The following BBOX1 variants were observed in gnomAD, a reference collection of about 807,000 sequenced individuals.
BBOX1 encodes the protein gamma-butyrobetaine hydroxylase 1.
Under a neutral mutation model 41.6 loss-of-function variants are expected in BBOX1, and 35 were observed. That is an observed-to-expected ratio of 0.84 (90% confidence interval 0.64 to 1.11). BBOX1 has a LOEUF of 1.11. BBOX1 is among the 50% of genes most tolerant of loss of function. The pLI is 0.00. For synonymous variants in BBOX1, 163 were observed against 154.7 expected, an observed-to-expected ratio of 1.05 and a Z score of -0.40; for missense variants, 458 against 460.6, an observed-to-expected ratio of 0.99 and a Z score of 0.05.
At chr11:27,092,273 G>A (rs972795645) in intron 4 of BBOX1, among the ~76,000 whole-genome samples, 4 of 151,926 alleles carry the variant, frequency 2.6e-5, no homozygotes, top group African/African-American at 7.2e-5. Flanking sequence ...GAGATCGCAA[G>A]TTCTCATTCT....
chr11:27,094,719 A>T (rs1237939228), intron 5 of BBOX1, among the ~76,000 whole-genome samples: 1 of 151,952 alleles, frequency 6.6e-6, no homozygotes, highest in Non-Finnish European at 1.5e-5. Context: ...GGAGACCAAA[A>T]ATATTCAATC....
intron 4 of BBOX1, among the ~76,000 whole-genome samples, chr11:27,070,958 C>G (rs1857426677): frequency 6.6e-6 from 1 of 152,096 alleles, no homozygotes; most frequent in Non-Finnish European, 1.5e-5. Flanking sequence ...TCTTGCAGGG[C>G]TTGTCTAGTA....
chr11:27,056,480 A>G (rs1856983484), intron 3 of BBOX1, among the ~76,000 whole-genome samples: 1 of 150,592 alleles, frequency 6.6e-6, no homozygotes, highest in African/African-American at 2.4e-5. Flanking sequence ...CTGGTCTCAA[A>G]CTCCTGACCT....
chr11:27,113,818 A>G (rs2134091272), intron 5 of BBOX1, among the ~76,000 whole-genome samples: 1 of 151,880 alleles, frequency 6.6e-6, no homozygotes, highest in African/African-American at 2.4e-5. Flanking sequence ...TAAAAAAAAA[A>G]AAAATCAAGT....
At chr11:27,124,547 A>G (rs1417976544) in intron 7 of BBOX1, among the ~76,000 whole-genome samples, 4 of 152,234 alleles carry the variant, frequency 2.6e-5, no homozygotes, top group Admixed American at 2.6e-4. Flanking sequence ...AGACAGAGTC[A>G]TATTCTGTTT....
chr11:27,076,059 T>A (rs904644760), intron 4 of BBOX1, among the ~76,000 whole-genome samples: 15 of 152,146 alleles, frequency 9.9e-5, no homozygotes, highest in African/African-American at 3.6e-4. Flanking sequence ...CCCAAGGTGT[T>A]CTCTTAATGT....
rs192878171 is a variant in BBOX1, at chr11:27,048,446, T to A, written c.-38-6947T>A. 1.7e-3 allele frequency among the ~76,000 whole-genome samples: 251 copies of A among 149,576 alleles called. 3 individuals carry two copies. Among genetic ancestry groups the A allele is most frequent in the African/African-American group, 6.1e-3 (245 of 40,264 alleles). Reference sequence around the variant, plus strand: ...AAAATGACAGAATTTACCTTCTTTTTTAAGGTTGAATAATATTGAGGTGTG... The same window carrying A: ...AAAATGACAGAATTTACCTTCTTTTATAAGGTTGAATAATATTGAGGTGTG... On this transcript the variant is annotated intron_variant, in intron 2 of 8. Transcript: ENST00000263182.
intron 5 of BBOX1, among the ~76,000 whole-genome samples, chr11:27,112,650 T>A (rs1352668884): frequency 6.6e-6 from 1 of 151,882 alleles, no homozygotes; most frequent in Non-Finnish European, 1.5e-5. Flanking sequence ...CATACAAAAT[T>A]CAACTCAAGA....
At chr11:27,116,676 C>A (rs967574843) in intron 6 of BBOX1, among the ~76,000 whole-genome samples, 2 of 151,872 alleles carry the variant, frequency 1.3e-5, no homozygotes, top group African/African-American at 2.4e-5. Flanking sequence ...GGTCTATTCA[C>A]CACCAGTAGG....
intron 5 of BBOX1, among the ~76,000 whole-genome samples, chr11:27,099,036 G>A (rs974810819): frequency 2.0e-5 from 3 of 151,712 alleles, no homozygotes; most frequent in Non-Finnish European, 4.4e-5. Flanking sequence ...TTAATGAAAG[G>A]GAATATGTGC....
At chr11:27,115,913 A>G (rs17243943) in intron 6 of BBOX1, among the ~76,000 whole-genome samples, 5,067 of 152,068 alleles carry the variant, frequency 0.033, 129 homozygotes, top group South Asian at 0.11. Flanking sequence ...AGAGAAAATG[A>G]AATCAGTAAA....
Position 27,127,596 on chromosome 11 carries a change from T to C in BBOX1, c.*143T>C. ...TAACTTCTCTCACAAGAGTACTCTT[T>C]ACTTTGTAATCATATACAATGTCAA... On this transcript the variant is annotated 3_prime_UTR_variant, in exon 9 of 9. Transcript: ENST00000263182. The C allele has an allele frequency of 1.1e-6, 1 of 943,884 alleles. No homozygotes were observed. The highest frequency in any genetic ancestry group is 1.9e-5 in the South Asian group (1 of 52,988). 58.5% of individuals were successfully genotyped at this position (943,884 alleles called of 1,614,324 possible).
chr11:27,076,316 C>T (rs917514492), intron 4 of BBOX1, among the ~76,000 whole-genome samples: 2 of 152,144 alleles, frequency 1.3e-5, no homozygotes, highest in African/African-American at 4.8e-5. Flanking sequence ...TTATAAATAA[C>T]CTTAGTGTGT....
chr11:27,064,905 TG>T (rs763737471), intron 4 of BBOX1, among the ~76,000 whole-genome samples: 2 of 67,882 alleles, frequency 2.9e-5, no homozygotes, highest in Non-Finnish European at 3.7e-5. Flanking sequence ...GTGTCAGACA[TG>T]AAAAAAAAAA....
At chr11:27,056,970 G>T (rs1280224261) in intron 3 of BBOX1, among the ~76,000 whole-genome samples, 2 of 149,870 alleles carry the variant, frequency 1.3e-5, no homozygotes, top group Non-Finnish European at 3.0e-5. Flanking sequence ...GGAGGCTGAG[G>T]CAGGGGAATC....
At chr11:27,121,848 T>C (rs2134109785) in intron 7 of BBOX1, among the ~76,000 whole-genome samples, 1 of 152,286 alleles carries the variant, frequency 6.6e-6, no homozygotes. Flanking sequence ...GCAAGGCTAG[T>C]GAACAGAGGC....
rs1859708671 is a variant in BBOX1, at chr11:27,127,428, G to A, written c.1139G>A (p.Arg380Lys). The A allele has an allele frequency of 3.1e-6, 5 of 1,609,734 alleles. No homozygotes were observed. Among genetic ancestry groups the A allele is most frequent in the Non-Finnish European group, 4.2e-6 (5 of 1,179,078 alleles). Residue 380 changes from arginine (R) to lysine (K), a missense_variant, in exon 9 of 9, where the codon AGG becomes AAG. Arg to Lys is a conservative substitution (Grantham distance 26, BLOSUM62 2). Transcript: ENST00000263182. ...DVVMSRLRIL[R>K]QRVENGN The stretch of plus-strand genomic sequence containing the variant: ...GTCATGTCAAGGCTTCGTATCTTAA[G>A]GCAGAGGGTGGAGAATGGAAACTGA...
In BBOX1 at chr11:27,115,441, G is replaced by T; in HGVS notation, c.534-11G>T. 1 of 1,601,484 alleles carries T rather than the reference G, an allele frequency of 6.2e-7. No homozygotes were observed. Among genetic ancestry groups the T allele is most frequent in the Middle Eastern group, 1.7e-4 (1 of 5,992 alleles). ...CAACCTGTTTAAACATGTGTTTCTTGCATTTTACAGACATACTTGGCAAGT... is the reference window on the plus strand; with the variant it reads ...CAACCTGTTTAAACATGTGTTTCTTTCATTTTACAGACATACTTGGCAAGT... On this transcript the variant is annotated splice_polypyrimidine_tract_variant and intron_variant, in intron 5 of 8. Transcript: ENST00000263182.
intron 2 of BBOX1, among the ~76,000 whole-genome samples, chr11:27,053,333 G>A (rs535867565): frequency 6.6e-6 from 1 of 152,288 alleles, no homozygotes; most frequent in African/African-American, 2.4e-5. Context: ...TAGATAACTT[G>A]ATCAAGAGTA....
Sources: gnomAD v4.1 joint callset for allele counts (sites outside exome capture counted in the v4.1 genomes callset) on GRCh38, gnomAD v4.1.1 for gene constraint, MANE v1.5 for transcripts, NCBI Gene and HGNC (gene_info 2026-07-23, HGNC 2026-07-21) for gene names.